The following PPP3CC variants were observed in gnomAD, a reference collection of about 807,000 sequenced individuals.
PPP3CC encodes serine/threonine-protein phosphatase 2B catalytic subunit gamma isoform.
In PPP3CC, 35 loss-of-function variants were observed where a neutral mutation model predicts 60.3. That is an observed-to-expected ratio of 0.58 (90% CI 0.44 to 0.77). PPP3CC has a LOEUF of 0.77. PPP3CC is among the 30% of genes least tolerant of loss of function. The pLI is 0.00. For synonymous variants in PPP3CC, 206 were observed against 224.3 expected, an observed-to-expected ratio of 0.92 and a Z score of 0.73; for missense variants, 570 against 628.9, an observed-to-expected ratio of 0.91 and a Z score of 1.00.
At chr8:22,477,473 CAAAAA>C (rs755678527) in intron 3 of PPP3CC, among the ~76,000 whole-genome samples, 1 of 136,312 alleles carries the variant, frequency 7.3e-6, no homozygotes, top group African/African-American at 2.7e-5. Flanking sequence ...GACTCTGTCT[CAAAAA>C]AAAAAAAGAA....
chr8:22,507,801 T>C (rs1586845585), intron 4 of PPP3CC, among the ~76,000 whole-genome samples: 1 of 152,126 alleles, frequency 6.6e-6, no homozygotes, highest in South Asian at 2.1e-4. Flanking sequence ...AGTTAAAATT[T>C]TTATCCAAGG....
rs138810475 is a variant in PPP3CC, at chr8:22,463,171, T to G, written c.50-11783T>G. Reference sequence around the variant, plus strand: ...GCCAAGAGAATAAAGGACAAAATCATGCAAGTCTGTAGTCATCAGTGGCTT... The same window carrying G: ...GCCAAGAGAATAAAGGACAAAATCAGGCAAGTCTGTAGTCATCAGTGGCTT... On this transcript the variant is annotated intron_variant, in intron 1 of 13. Transcript: ENST00000240139. Among the ~76,000 whole-genome samples, 72 of 152,316 alleles carry G rather than the reference T, an allele frequency of 4.7e-4. No individual in the cohort carries two copies. The East Asian group carries it at 0.012, about 25-fold the overall frequency.
At chr8:22,527,302 T>A (rs1165118278) in intron 8 of PPP3CC, 90 bp from the exon 9 acceptor site, 43 of 1,388,162 alleles carry the variant, frequency 3.1e-5, no homozygotes, top group Non-Finnish European at 4.2e-5. Flanking sequence ...GTTCTCGAAT[T>A]CTGTGTAGCA....
Position 22,510,218 on chromosome 8 carries a change from G to A in PPP3CC, c.485-868G>A, listed in dbSNP as rs184346653. ...AAAAAAAAAGAGGCCTCACTGTGTT[G>A]CCCAGGCTGGTCTCAAACTCCTGGC... On this transcript the variant is annotated intron_variant, in intron 4 of 13. Transcript: ENST00000240139. 7.2e-3 allele frequency among the ~76,000 whole-genome samples: 1,032 copies of A among 144,130 alleles called. 16 individuals carry two copies. Among genetic ancestry groups the A allele is most frequent in the African/African-American group, 0.025 (981 of 39,262 alleles). 94.6% of individuals were successfully genotyped at this position (144,130 alleles called of 152,430 possible).
chr8:22,448,640 A>C (rs1836912457), intron 1 of PPP3CC, among the ~76,000 whole-genome samples: 2 of 152,114 alleles, frequency 1.3e-5, no homozygotes, highest in South Asian at 2.1e-4. Flanking sequence ...CCGCCTCCCA[A>C]AGTGCTGGGA....
intron 5 of PPP3CC, among the ~76,000 whole-genome samples, chr8:22,512,723 C>T (rs546777020): frequency 6.6e-6 from 1 of 152,082 alleles, no homozygotes; most frequent in African/African-American, 2.4e-5. Context: ...CACTGCTTTA[C>T]GATTAGGATG....
At position 22,492,190 on chromosome 8, in the gene PPP3CC, C is replaced by G. The variant is rs1838425014; in HGVS notation, c.373-5811C>G. ...CTGAATACTGTAGGCAGTTGTAACA[C>G]AAGGGTAAGTATTGTGTGTCTAAAC... On this transcript the variant is annotated intron_variant, in intron 3 of 13. Transcript: ENST00000240139. Among the ~76,000 whole-genome samples the G allele has an allele frequency of 2.0e-5, 3 of 150,268 alleles. 1 individual carries two copies. The highest frequency in any genetic ancestry group is 2.0e-4 in the Admixed American group (3 of 15,082).
intron 1 of PPP3CC, among the ~76,000 whole-genome samples, chr8:22,461,402 T>C (rs994222369): frequency 5.3e-5 from 8 of 152,178 alleles, no homozygotes; most frequent in Admixed American, 4.6e-4. Context: ...CTGGGTAAGT[T>C]CCAGCAGTAT....
At chr8:22,448,670 T>G (rs2132426473) in intron 1 of PPP3CC, among the ~76,000 whole-genome samples, 1 of 152,294 alleles carries the variant, frequency 6.6e-6, no homozygotes, top group Admixed American at 6.5e-5. Context: ...TGAGCCACCG[T>G]GCCTGGCCTA....
At chr8:22,508,487 T>C (rs368107833) in intron 4 of PPP3CC, among the ~76,000 whole-genome samples, 3 of 152,314 alleles carry the variant, frequency 2.0e-5, no homozygotes, top group East Asian at 3.9e-4. Context: ...AACATGAACT[T>C]CTTTTTGCTT....
intron 10 of PPP3CC, among the ~76,000 whole-genome samples, chr8:22,530,829 C>CAAACAAAA (rs1839691242): frequency 2.8e-4 from 16 of 58,036 alleles, no homozygotes; most frequent in African/African-American, 8.4e-4. Flanking sequence ...AGACTCATCT[C>CAAACAAAA]AAAAAAAAAA....
intron 10 of PPP3CC, chr8:22,531,248 T>G: frequency 6.9e-7 from 1 of 1,457,984 alleles, no homozygotes; most frequent in Non-Finnish European, 9.3e-7. Context: ...TAAATTTCTC[T>G]TCTCATATTT....
At chr8:22,503,193 C>G (rs1018509262) in intron 4 of PPP3CC, among the ~76,000 whole-genome samples, 23 of 152,230 alleles carry the variant, frequency 1.5e-4, no homozygotes, top group African/African-American at 5.5e-4. Context: ...TGGTTAAGAA[C>G]GACGGCTCTG....
At chr8:22,503,549 G>A (rs912305741) in intron 4 of PPP3CC, among the ~76,000 whole-genome samples, 1 of 151,698 alleles carries the variant, frequency 6.6e-6, no homozygotes, top group Non-Finnish European at 1.5e-5. Flanking sequence ...AATTTTTATG[G>A]GTATATAGTA....
At chr8:22,531,022 T>C (rs538352425) in intron 10 of PPP3CC, among the ~76,000 whole-genome samples, 9 of 152,280 alleles carry the variant, frequency 5.9e-5, no homozygotes, top group Middle Eastern at 3.4e-3. Flanking sequence ...GTTATTTTCA[T>C]GATCTGTGGG....
rs192279793 is a variant in PPP3CC at position 22,520,293 on chromosome 8, G to C, written c.771-2198G>C. Among the ~76,000 whole-genome samples the C allele has an allele frequency of 2.8e-4, 42 of 152,140 alleles. No homozygotes were observed. The East Asian group carries it at 4.4e-3, about 16-fold the overall frequency. On this transcript the variant is annotated intron_variant, in intron 6 of 13. Transcript: ENST00000240139. ...TGAGTTTTAACAACTTAATTATAATGAGTCTTGGTGTTTAACTTATTTGGA... is the reference window on the plus strand; with the variant it reads ...TGAGTTTTAACAACTTAATTATAATCAGTCTTGGTGTTTAACTTATTTGGA...
chr8:22,447,531 T>C (rs922716753), intron 1 of PPP3CC, among the ~76,000 whole-genome samples: 11 of 152,014 alleles, frequency 7.2e-5, no homozygotes, highest in African/African-American at 2.4e-4. Flanking sequence ...TTGTTGAGGC[T>C]GGTCTTGAAC....
chr8:22,475,155 TAA>T lies in PPP3CC; in HGVS notation c.247+8_247+9del. The T allele has an allele frequency of 6.2e-7, 1 of 1,606,098 alleles. No homozygotes were observed. Among genetic ancestry groups the T allele is most frequent in the Non-Finnish European group, 8.5e-7 (1 of 1,174,552 alleles). Reference sequence around the variant, plus strand: ...GAAGTAGATGCTCCAATCACAGGTATAAAAAGTCTTTGCATGATACTTTTTTA... The same window carrying T: ...GAAGTAGATGCTCCAATCACAGGTATAAAGTCTTTGCATGATACTTTTTTA... On this transcript the variant is annotated splice_donor_5th_base_variant and intron_variant, in intron 2 of 13. Coordinates refer to ENST00000240139, the MANE Select transcript of PPP3CC (RefSeq NM_005605.5).
chr8:22,473,713 C>T (rs1837801678), intron 1 of PPP3CC, among the ~76,000 whole-genome samples: 1 of 152,100 alleles, frequency 6.6e-6, no homozygotes, highest in African/African-American at 2.4e-5. Context: ...ATCCACCTAC[C>T]TTGGCCTCCC....
Sources: allele counts gnomAD v4.1 joint callset (sites outside exome capture counted in the v4.1 genomes callset), GRCh38; gene constraint gnomAD v4.1.1; transcripts MANE v1.5; gene names NCBI Gene and HGNC (gene_info 2026-07-23, HGNC 2026-07-21).